Variants in ERG observed in about 807,000 individuals in gnomAD.
ERG encodes the protein transcriptional regulator ERG.
Under a neutral mutation model 55.3 loss-of-function variants are expected in ERG, and 9 were observed. That is an observed-to-expected ratio of 0.16 (90% CI 0.10 to 0.28). The LOEUF (loss-of-function observed/expected upper bound fraction) is 0.28, where lower values mean the gene tolerates loss of function less well. Ranked by LOEUF, ERG falls within the 10% of genes least tolerant of loss-of-function variation. The probability of loss-of-function intolerance (pLI) is 1.00; values close to 1 mark genes in which losing one functional copy is unlikely to be tolerated. For missense variants in ERG, 434 were observed against 631.6 expected, an observed-to-expected ratio of 0.69 and a Z score of 3.35; for synonymous variants, 223 against 237.3, an observed-to-expected ratio of 0.94 and a Z score of 0.55.
chr21:38,444,734 A>AC (rs1254176506), intron 2 of ERG, among the ~76,000 whole-genome samples: 1 of 147,270 alleles, frequency 6.8e-6, no homozygotes, highest in Non-Finnish European at 1.5e-5. Context: ...AGGAAAAAAA[A>AC]AAAAAACAAA....
At chr21:38,483,367 A>G (rs940897613) in intron 1 of ERG, among the ~76,000 whole-genome samples, 1 of 152,218 alleles carries the variant, frequency 6.6e-6, no homozygotes, top group Non-Finnish European at 1.5e-5. Context: ...GAACCTTATC[A>G]CCATCTTCAT....
chr21:38,502,960 T>C (rs2059432115), upstream of ERG, among the ~76,000 whole-genome samples: 1 of 152,108 alleles, frequency 6.6e-6, no homozygotes, highest in South Asian at 2.1e-4. Flanking sequence ...CTCTTGACCT[T>C]GTGATCCACT....
chr21:38,548,504 G>C (rs1389028678), intron 2 of ERG, among the ~76,000 whole-genome samples: 4 of 149,596 alleles, frequency 2.7e-5, no homozygotes, highest in Non-Finnish European at 4.4e-5. Flanking sequence ...CTGGAGTGCA[G>C]TGGTGCGATC....
intron 2 of ERG, among the ~76,000 whole-genome samples, chr21:38,529,528 GC>G (rs1474339942): frequency 1.3e-5 from 2 of 152,326 alleles, no homozygotes; most frequent in South Asian, 4.1e-4. Context: ...GATGGGTAAT[GC>G]TAGGGAAGGA....
chr21:38,523,782 C>T (rs1474867951), intron 2 of ERG, among the ~76,000 whole-genome samples: 2 of 152,202 alleles, frequency 1.3e-5, no homozygotes, highest in Admixed American at 1.3e-4. Flanking sequence ...GGAATTCATT[C>T]TGAAGGCTGC....
intron 1 of ERG, among the ~76,000 whole-genome samples, chr21:38,497,044 A>G (rs1568855649): frequency 6.6e-6 from 1 of 152,224 alleles, no homozygotes; most frequent in East Asian, 1.9e-4. Context: ...ATTCCTGTCT[A>G]TAGGAGCCAT....
chr21:38,536,392 C>T (rs1445036804), intron 2 of ERG, among the ~76,000 whole-genome samples: 1 of 152,166 alleles, frequency 6.6e-6, no homozygotes, highest in Non-Finnish European at 1.5e-5. Flanking sequence ...GTTTAAAATA[C>T]TCTTCTCCTC....
intron 1 of ERG, 108 bp from the exon 2 acceptor site, chr21:38,445,729 T>C: frequency 1.3e-6 from 1 of 789,216 alleles, no homozygotes; most frequent in East Asian, 2.6e-5. Context: ...TTTTAGATCG[T>C]TTTTATGGTC....
chr21:38,443,344 C>T (rs2410021), intron 2 of ERG, among the ~76,000 whole-genome samples: 137,722 of 152,236 alleles, frequency 0.9, 62,420 homozygotes, highest in South Asian at 0.97. Flanking sequence ...CTCTCCCCAC[C>T]TTCCAACATC....
At chr21:38,521,776 C>A (rs974720236) in intron 2 of ERG, among the ~76,000 whole-genome samples, 1 of 152,180 alleles carries the variant, frequency 6.6e-6, no homozygotes. Context: ...ACTTGCAACT[C>A]TAACTGAATG....
chr21:38,615,446 G>A (rs1286452918), intron 1 of ERG, among the ~76,000 whole-genome samples: 1 of 152,030 alleles, frequency 6.6e-6, no homozygotes, highest in Non-Finnish European at 1.5e-5. Context: ...ATGCAAGCAT[G>A]GGGCTTTGAA....
At chr21:38,491,970 T>C (rs2059340259) in intron 1 of ERG, among the ~76,000 whole-genome samples, 1 of 85,006 alleles carries the variant, frequency 1.2e-5, no homozygotes, top group African/African-American at 2.9e-5. Flanking sequence ...TTGCTGCCTA[T>C]GGGATTTTTC....
chr21:38,560,299 C>T (rs992338795), intron 2 of ERG, among the ~76,000 whole-genome samples: 1 of 152,148 alleles, frequency 6.6e-6, no homozygotes, highest in African/African-American at 2.4e-5. Flanking sequence ...CCAGAGGTGT[C>T]CCACTAGGAT....
At chr21:38,432,061 A>G (rs764231576) in intron 2 of ERG, among the ~76,000 whole-genome samples, 9 of 152,342 alleles carry the variant, frequency 5.9e-5, no homozygotes, top group East Asian at 5.8e-4. Context: ...ACATGCCTCT[A>G]GTTTCATAAC....
At chr21:38,631,335 T>C (rs2060355343) in intron 1 of ERG, among the ~76,000 whole-genome samples, 1 of 151,712 alleles carries the variant, frequency 6.6e-6, no homozygotes, top group African/African-American at 2.4e-5. Context: ...AGAATAGGAG[T>C]TCTATGAGTC....
At chr21:38,443,323 G>A (rs1056802936) in intron 2 of ERG, among the ~76,000 whole-genome samples, 7 of 152,162 alleles carry the variant, frequency 4.6e-5, no homozygotes, top group Admixed American at 4.6e-4. Context: ...TGTCTGAGAT[G>A]TTTCCTTCCT....
rs189809427 is a variant in ERG at position 38,416,166 on chromosome 21, A to G, written c.388+7244T>C. The stretch of plus-strand genomic sequence containing the variant: ...CTTCTTTACATGAAATCAGACTGCC[A>G]AAGACTCATGCTGGGTGTCTGTCCT... On this transcript the variant is annotated intron_variant, in intron 3 of 9. Transcript: ENST00000288319. Among the ~76,000 whole-genome samples the G allele has an allele frequency of 1.6e-3, 247 of 152,344 alleles. 1 individual carries two copies. Among genetic ancestry groups the G allele is most frequent in the African/African-American group, 5.6e-3 (234 of 41,576 alleles).
chr21:38,406,084 G>A (rs777029028), intron 3 of ERG, among the ~76,000 whole-genome samples: 1 of 148,916 alleles, frequency 6.7e-6, no homozygotes, highest in African/African-American at 2.5e-5. Context: ...GAACCCGGGA[G>A]GTGGAGCTTG....
rs1262508131 is a variant in ERG at position 38,548,719 on chromosome 21, C to T, written c.-41+26943G>A. ...GACCTCATGATCTGCCAGCCTTAAC[C>T]TCCCAAAGTGCTGAGATTACAGGCG... On this transcript the variant is annotated intron_variant, in intron 2 of 8. Coordinates refer to the ERG transcript ENST00000398897. 2.0e-5 allele frequency among the ~76,000 whole-genome samples: 3 copies of T among 149,372 alleles called. No homozygotes were observed. In the East Asian group the frequency reaches 6.1e-4, roughly 30 times the overall value.
Sources: gnomAD v4.1 joint callset for allele counts (sites outside exome capture counted in the v4.1 genomes callset) on GRCh38, gnomAD v4.1.1 for gene constraint, MANE v1.5 for transcripts, NCBI Gene and HGNC (gene_info 2026-07-23, HGNC 2026-07-21) for gene names.